UTS2R: variants seen among roughly 807,000 people sequenced by gnomAD.
UTS2R encodes urotensin 2 receptor.
For synonymous variants in UTS2R, 335 were observed against 280.9 expected (o/e 1.19, Z -1.93); for missense variants, 653 against 562.2 (o/e 1.16, Z -1.63).
Position 82,374,556 on chromosome 17 carries a change from C to T in UTS2R, c.232C>T (p.Arg78Cys), listed in dbSNP as rs780572016. 2.5e-6 allele frequency: 4 copies of T among 1,591,094 alleles called. No individual in the cohort carries two copies. Among genetic ancestry groups the T allele is most frequent in the South Asian group, 1.1e-5 (1 of 88,430 alleles). The change falls in exon 3 of 3, where the codon CGC (arginine) becomes TGC (cysteine). Residue 78 changes from arginine (R) to cysteine (C), a missense_variant. Transcript: ENST00000313135. ...GNAYTLVVTC[R>C]SLRAVASMYV... ...CGCCTACACGCTGGTGGTCACCTGCCGCTCCCTGCGTGCGGTGGCCTCCAT... is the reference window on the plus strand; with the variant it reads ...CGCCTACACGCTGGTGGTCACCTGCTGCTCCCTGCGTGCGGTGGCCTCCAT...
Position 82,374,253 on chromosome 17 carries a change from T to C in UTS2R, c.-72T>C. 1.6e-6 allele frequency: 2 copies of C among 1,226,682 alleles called. No individual in the cohort carries two copies. Among genetic ancestry groups the C allele is most frequent in the South Asian group, 3.1e-5 (2 of 64,420 alleles). 76.0% of individuals were successfully genotyped at this position (1,226,682 alleles called of 1,614,324 possible). A position where few individuals can be genotyped will look rare whatever the true frequency, so the allele number is the denominator to read the frequency against. On this transcript the variant is annotated 5_prime_UTR_variant, in exon 3 of 3. Coordinates refer to ENST00000313135, the MANE Select transcript of UTS2R (RefSeq NM_018949.3). Reference sequence around the variant, plus strand: ...CTTCTTTCCCCACAGGCTGAGCTGGTTGCCCACAGGGGCCCCCGCCCCATC... The same window carrying C: ...CTTCTTTCCCCACAGGCTGAGCTGGCTGCCCACAGGGGCCCCCGCCCCATC...
In UTS2R at chr17:82,375,882, T is replaced by C. The variant is rs961033023; in HGVS notation, c.*388T>C. On this transcript the variant is annotated 3_prime_UTR_variant, in exon 3 of 3. Transcript: ENST00000313135. ...CCTTGTGGCTTTGCCACTGGAACAATCAACCCTGAGCTGGCTTCCGTGTCC... is the reference window on the plus strand; with the variant it reads ...CCTTGTGGCTTTGCCACTGGAACAACCAACCCTGAGCTGGCTTCCGTGTCC... 6.6e-6 allele frequency among the ~76,000 whole-genome samples: 1 copy of C among 152,228 alleles called. No individual in the cohort carries two copies. The highest frequency in any genetic ancestry group is 1.5e-5 in the Non-Finnish European group (1 of 68,028).
rs1375693068 is a variant in UTS2R, at chr17:82,376,697, G to A, written c.*1203G>A. Among the ~76,000 whole-genome samples the A allele has an allele frequency of 6.6e-6, 1 of 152,262 alleles. No individual in the cohort carries two copies. Among genetic ancestry groups the A allele is most frequent in the African/African-American group, 2.4e-5 (1 of 41,470 alleles). ...CTGGTGACTGGGCGATGCTGTGAAC[G>A]AGCCAGTGCCACAGAACTGTGCACC... On this transcript the variant is annotated 3_prime_UTR_variant, in exon 3 of 3. Transcript: ENST00000313135.
Position 82,374,567 on chromosome 17 carries a change from T to G in UTS2R, c.243T>G (p.Arg81=). Residue 81 remains arginine (R), a synonymous_variant, in exon 3 of 3, where the codon CGT becomes CGG. Transcript: ENST00000313135. ...TGGTGGTCACCTGCCGCTCCCTGCG[T>G]GCGGTGGCCTCCATGTACGTCTACG... The part of the protein sequence containing the change: ...YTLVVTCRSL[R]AVASMYVYVV... 6.3e-7 allele frequency: 1 copy of G among 1,597,388 alleles called. No individual in the cohort carries two copies.
In UTS2R at chr17:82,374,025, G is replaced by T. The variant is rs192700276; in HGVS notation, c.-82-218G>T. Among the ~76,000 whole-genome samples the T allele has an allele frequency of 6.3e-3, 958 of 152,054 alleles. 12 individuals are homozygous for T. Among genetic ancestry groups the T allele is most frequent in the African/African-American group, 0.022 (893 of 41,452 alleles). ...CAGAGGCCATGGGACCTACAGTGAG[G>T]GGGGGGCAGGGGTCCTGCTGGGGCA... is the stretch of plus-strand genomic sequence containing the variant. On this transcript the variant is annotated intron_variant, in intron 2 of 2. Transcript: ENST00000313135.
In UTS2R at chr17:82,375,917, G is replaced by A. The variant is rs923815268; in HGVS notation, c.*423G>A. Among the ~76,000 whole-genome samples, 3 of 152,252 alleles carry A rather than the reference G, an allele frequency of 2.0e-5. No individual in the cohort carries two copies. Among genetic ancestry groups the A allele is most frequent in the African/African-American group, 2.4e-5 (1 of 41,468 alleles). On this transcript the variant is annotated 3_prime_UTR_variant, in exon 3 of 3. Coordinates refer to ENST00000313135, the MANE Select transcript of UTS2R (RefSeq NM_018949.3). ...GCTGGCTTCCGTGTCCTGCCTAGGC[G>A]CGGGGGACGCCACATCTGAGGTGTG...
rs2052496815 is a variant in UTS2R, at chr17:82,376,465, T to C, written c.*971T>C. On this transcript the variant is annotated 3_prime_UTR_variant, in exon 3 of 3. Transcript: ENST00000313135. ...TGGCCATGCCCAGACTACCAGCCCC[T>C]TGGGGCTCCATCTGAACACTGGGGC... 7.7e-6 allele frequency among the ~76,000 whole-genome samples: 1 copy of C among 129,734 alleles called. No homozygotes were observed. Among genetic ancestry groups the C allele is most frequent in the Non-Finnish European group, 1.6e-5 (1 of 63,298 alleles). 85.1% of individuals were successfully genotyped at this position (129,734 alleles called of 152,430 possible).
Position 82,375,019 on chromosome 17 carries a change from C to T in UTS2R, c.695C>T (p.Ala232Val), listed in dbSNP as rs747533857. 3.7e-6 allele frequency: 5 copies of T among 1,356,122 alleles called. No individual in the cohort carries two copies. Among genetic ancestry groups the T allele is most frequent in the Non-Finnish European group, 4.0e-6 (4 of 1,011,372 alleles). 84.0% of individuals were successfully genotyped at this position (1,356,122 alleles called of 1,614,324 possible). ...GPGLLIGLLY[A>V]RLARAYRRSQ... ...GGGCTGCTCATCGGGCTGCTCTACG[C>T]GCGCCTGGCCCGCGCCTACCGCCGC... Residue 232 changes from alanine (A) to valine (V), a missense_variant, in exon 3 of 3, where the codon GCG becomes GTG. Physicochemically the swap from Ala to Val is moderately conservative, Grantham distance 64. Coordinates refer to ENST00000313135, the MANE Select transcript of UTS2R (RefSeq NM_018949.3).
Position 82,375,317 on chromosome 17 carries a change from G to T in UTS2R, c.993G>T (p.Arg331=), listed in dbSNP as rs764225509. ...NYRDHLRGRV[R]GPGSGGGRGP... Reference sequence around the variant, plus strand: ...GCGACCACCTGCGCGGCCGCGTGCGGGGCCCGGGCAGCGGGGGAGGCCGGG... The same window carrying T: ...GCGACCACCTGCGCGGCCGCGTGCGTGGCCCGGGCAGCGGGGGAGGCCGGG... The change falls in exon 3 of 3, where the codon CGG becomes CGT. Residue 331 remains arginine (R), a synonymous_variant. Transcript: ENST00000313135. The T allele has an allele frequency of 1.3e-6, 2 of 1,546,236 alleles. No individual in the cohort carries two copies. Among genetic ancestry groups the T allele is most frequent in the African/African-American group, 2.8e-5 (2 of 71,202 alleles).
Position 82,374,439 on chromosome 17 carries a change from C to A in UTS2R, c.115C>A (p.Pro39Thr). 5.6e-6 allele frequency: 9 copies of A among 1,599,028 alleles called. No homozygotes were observed. The highest frequency in any genetic ancestry group is 7.7e-6 in the Non-Finnish European group (9 of 1,176,020). The stretch of plus-strand genomic sequence containing the variant: ...AACCCTCAACAGCTCCTGGGCCAGC[C>A]CGACCGAGCCCAGCTCCCTGGAGGA... ...NATLNSSWASPTEPSSLEDLV... is the reference protein window; with the variant it reads ...NATLNSSWASTTEPSSLEDLV... Residue 39 changes from proline to threonine, a missense_variant, in exon 3 of 3, where the codon CCG becomes ACG. Pro to Thr is a conservative substitution (Grantham distance 38). Coordinates refer to ENST00000313135, the MANE Select transcript of UTS2R (RefSeq NM_018949.3).
rs184284905 is a variant in UTS2R, at chr17:82,373,441, C to T, written c.-83+658C>T. 1.7e-3 allele frequency among the ~76,000 whole-genome samples: 254 copies of T among 152,336 alleles called. 1 individual carries two copies. Among genetic ancestry groups the T allele is most frequent in the Middle Eastern group, 3.4e-3 (1 of 294 alleles). ...CCTCCTAAAGTGCTGGGATTACAGG[C>T]GTGAGCCACTGCAACTGGCCTGATA... On this transcript the variant is annotated intron_variant, in intron 2 of 2. Transcript: ENST00000313135.
intron 2 of UTS2R, 72 bp from the exon 3 acceptor site, chr17:82,374,171 T>C (rs1434356818): frequency 1.3e-5 from 8 of 636,234 alleles, no homozygotes; most frequent in Non-Finnish European, 1.3e-5. Context: ...CACGTGACTC[T>C]GTGGGAACGA....
rs929716686 is a variant in UTS2R at position 82,376,004 on chromosome 17, C to G, written c.*510C>G. Among the ~76,000 whole-genome samples, 7 of 152,204 alleles carry G rather than the reference C, an allele frequency of 4.6e-5. No homozygotes were observed. The highest frequency in any genetic ancestry group is 1.7e-4 in the African/African-American group (7 of 41,452). On this transcript the variant is annotated 3_prime_UTR_variant, in exon 3 of 3. Coordinates refer to ENST00000313135, the MANE Select transcript of UTS2R (RefSeq NM_018949.3). ...GCAGCTCAAGGGGGAGCCTGTGGGTCTGGCTGGGGTAGAGGGTGCACCTGC... is the reference window on the plus strand; with the variant it reads ...GCAGCTCAAGGGGGAGCCTGTGGGTGTGGCTGGGGTAGAGGGTGCACCTGC...
At position 82,375,021 on chromosome 17, in the gene UTS2R, C is replaced by T. The variant is rs771336923; in HGVS notation, c.697C>T (p.Arg233Cys). Reference sequence around the variant, plus strand: ...GCTGCTCATCGGGCTGCTCTACGCGCGCCTGGCCCGCGCCTACCGCCGCTC... The same window carrying T: ...GCTGCTCATCGGGCTGCTCTACGCGTGCCTGGCCCGCGCCTACCGCCGCTC... ...PGLLIGLLYARLARAYRRSQR... is the reference protein window; with the variant it reads ...PGLLIGLLYACLARAYRRSQR... The change falls in exon 3 of 3, where the codon CGC becomes TGC. Residue 233 changes from arginine (R) to cysteine (C), a missense_variant. By Grantham distance (180) the Arg-to-Cys change is radical (BLOSUM62 -3). Transcript: ENST00000313135. 2 of 1,361,058 alleles carry T rather than the reference C, an allele frequency of 1.5e-6. No homozygotes were observed. The highest frequency in any genetic ancestry group is 1.4e-5 in the South Asian group (1 of 73,698). 84.3% of individuals were successfully genotyped at this position (1,361,058 alleles called of 1,614,324 possible).
Position 82,376,853 on chromosome 17 carries a change from C to A in UTS2R, c.*1359C>A, listed in dbSNP as rs1248689553. Among the ~76,000 whole-genome samples, 2 of 152,172 alleles carry A rather than the reference C, an allele frequency of 1.3e-5. No individual in the cohort carries two copies. Among genetic ancestry groups the A allele is most frequent in the South Asian group, 2.1e-4 (1 of 4,826 alleles). On this transcript the variant is annotated 3_prime_UTR_variant, in exon 3 of 3. Coordinates refer to ENST00000313135, the MANE Select transcript of UTS2R (RefSeq NM_018949.3). ...CTGGGAGGGAGGTGGGGGGGTCAGCCCCCCGCCCGGCCAGCCACCCCGTCC... is the reference window on the plus strand; with the variant it reads ...CTGGGAGGGAGGTGGGGGGGTCAGCACCCCGCCCGGCCAGCCACCCCGTCC...
Position 82,374,270 on chromosome 17 carries a change from C to T in UTS2R, c.-55C>T, listed in dbSNP as rs1275937393. The T allele has an allele frequency of 7.1e-6, 10 of 1,414,190 alleles. No homozygotes were observed. Among genetic ancestry groups the T allele is most frequent in the South Asian group, 1.4e-5 (1 of 69,630 alleles). The allele number at this position is 1,414,190 out of a possible 1,614,324, so 87.6% of individuals were successfully genotyped here. On this transcript the variant is annotated 5_prime_UTR_variant, in exon 3 of 3. Transcript: ENST00000313135. ...TGAGCTGGTTGCCCACAGGGGCCCC[C>T]GCCCCATCTCAGGGAGTGTCCACCC...
Position 82,375,526 on chromosome 17 carries a change from G to T in UTS2R, c.*32G>T. 1.1e-6 allele frequency: 1 copy of T among 945,810 alleles called. No homozygotes were observed. The highest frequency in any genetic ancestry group is 1.5e-6 in the Non-Finnish European group (1 of 675,206). 58.6% of individuals were successfully genotyped at this position (945,810 alleles called of 1,614,324 possible). A position where few individuals can be genotyped will look rare whatever the true frequency, so the allele number is the denominator to read the frequency against. ...GGAGGGGCGGCTGGAGTCCAGGCGG[G>T]GACGCGCCCCAAAGCCCCAGCCACT... On this transcript the variant is annotated 3_prime_UTR_variant, in exon 3 of 3. Coordinates refer to ENST00000313135, the MANE Select transcript of UTS2R (RefSeq NM_018949.3).
rs1189176732 is a variant in UTS2R, at chr17:82,374,469, G to A, written c.145G>A (p.Val49Met). ...PTEPSSLEDL[V>M]ATGTIGTLLS... Reference sequence around the variant, plus strand: ...CGAGCCCAGCTCCCTGGAGGACCTGGTGGCCACGGGCACCATTGGGACTCT... The same window carrying A: ...CGAGCCCAGCTCCCTGGAGGACCTGATGGCCACGGGCACCATTGGGACTCT... Residue 49 changes from valine (V) to methionine (M), a missense_variant, in exon 3 of 3, where the codon GTG (valine) becomes ATG (methionine). Transcript: ENST00000313135. 1 of 1,597,084 alleles carries A rather than the reference G, an allele frequency of 6.3e-7. No individual in the cohort carries two copies. Among genetic ancestry groups the A allele is most frequent in the African/African-American group, 1.3e-5 (1 of 74,874 alleles).
chr17:82,373,208 T>G (rs1434960975), intron 2 of UTS2R, among the ~76,000 whole-genome samples: 1 of 151,984 alleles, frequency 6.6e-6, no homozygotes. Flanking sequence ...CAGGCTGGAG[T>G]GCGGTGGCAC....
Sources: gnomAD v4.1 joint callset for allele counts (sites outside exome capture counted in the v4.1 genomes callset) on GRCh38, gnomAD v4.1.1 for gene constraint, MANE v1.5 for transcripts, NCBI Gene and HGNC (gene_info 2026-07-23, HGNC 2026-07-21) for gene names.